The following UBE2L6 variants were observed in gnomAD, a reference collection of about 807,000 sequenced individuals.
UBE2L6 encodes the protein ubiquitin conjugating enzyme E2 L6.
A neutral mutation model predicts 13.6 loss-of-function variants in UBE2L6; 11 were observed. The ratio of observed to expected loss-of-function variants is 0.81; its 90% confidence interval spans 0.51 to 1.34. UBE2L6 has a LOEUF of 1.34. Among genes scored for constraint, UBE2L6 ranks in the 40% most tolerant of loss-of-function variants. The pLI, the probability that UBE2L6 is intolerant of heterozygous loss-of-function variation, is 0.00. For synonymous variants in UBE2L6, 74 were observed against 83.2 expected (o/e 0.89, Z 0.60); for missense variants, 197 against 199.5 (o/e 0.99, Z 0.07).
upstream of UBE2L6, chr11:57,567,692 C>G: frequency 6.6e-7 from 1 of 1,510,362 alleles, no homozygotes; most frequent in African/African-American, 1.4e-5. Flanking sequence ...CGCCCCGCCC[C>G]GGGGACCCCA....
intron 2 of UBE2L6, among the ~76,000 whole-genome samples, chr11:57,556,301 T>C (rs1465871170): frequency 6.6e-6 from 1 of 152,068 alleles, no homozygotes; most frequent in South Asian, 2.1e-4. Context: ...GTGATCTAAC[T>C]AGGCCGGGCA....
chr11:57,558,668 A>AC (rs1945015442), intron 2 of UBE2L6, among the ~76,000 whole-genome samples: 2 of 152,256 alleles, frequency 1.3e-5, no homozygotes, highest in Non-Finnish European at 2.9e-5. Flanking sequence ...CGAAAGACTC[A>AC]TCGAGCTGAA....
rs1177663321 is a variant in UBE2L6 at position 57,554,497 on chromosome 11, G to A, written c.250C>T (p.Gln84Ter). ...CTGCTGATGATGGGCAGGCAAATCT[G>A]TCCGTTCTCGTCCACGTTGGGGTGG... ...IYHPNVDENG[Q>*]ICLPIISSEN... The change falls in exon 3 of 4, where the codon CAG becomes TAG. Residue 84 changes from glutamine (Q) to a stop codon, truncating the protein, a stop_gained. Coordinates refer to ENST00000287156, the MANE Select transcript of UBE2L6 (RefSeq NM_004223.5). LOFTEE classifies it high-confidence loss of function. 6.2e-7 allele frequency: 1 copy of A among 1,614,180 alleles called. No individual in the cohort carries two copies. The highest frequency in any genetic ancestry group is 1.3e-5 in the African/African-American group (1 of 75,040).
rs939944298 is a variant in UBE2L6, at chr11:57,552,239, A to C, written c.*119T>G. 2 of 1,404,646 alleles carry C rather than the reference A, an allele frequency of 1.4e-6. No individual in the cohort carries two copies. Among genetic ancestry groups the C allele is most frequent in the African/African-American group, 2.8e-5 (2 of 70,200 alleles). 87.0% of individuals were successfully genotyped at this position (1,404,646 alleles called of 1,614,324 possible). The stretch of plus-strand genomic sequence containing the variant: ...CACACACACACACAAACTAATGACT[A>C]ACAACCTAAGAAGGGAAAAATGAAT... On this transcript the variant is annotated 3_prime_UTR_variant, in exon 4 of 4. Coordinates refer to ENST00000287156, the MANE Select transcript of UBE2L6 (RefSeq NM_004223.5).
chr11:57,566,957 C>CCCCG (rs1554991547), intron 1 of UBE2L6: 13 of 220,186 alleles, frequency 5.9e-5, no homozygotes, highest in Middle Eastern at 7.0e-4. Context: ...GCCCCCCCCC[C>CCCCG]CCTCCTAGAA....
chr11:57,563,947 G>T (rs976594325), intron 1 of UBE2L6, among the ~76,000 whole-genome samples: 1 of 152,114 alleles, frequency 6.6e-6, no homozygotes, highest in Non-Finnish European at 1.5e-5. Context: ...ATGCCTACAG[G>T]ATCTAGACAA....
upstream of UBE2L6, chr11:57,567,706 C>A: frequency 6.8e-7 from 1 of 1,467,662 alleles, no homozygotes; most frequent in Non-Finnish European, 9.2e-7. Context: ...GACCCCACCC[C>A]CGGCAGCCCC....
intron 2 of UBE2L6, among the ~76,000 whole-genome samples, chr11:57,558,659 G>A (rs1034887594): frequency 6.6e-6 from 1 of 152,184 alleles, no homozygotes; most frequent in Non-Finnish European, 1.5e-5. Context: ...TATTAGCTTC[G>A]AAAGACTCAT....
chr11:57,565,275 A>G (rs1467824308), intron 1 of UBE2L6, among the ~76,000 whole-genome samples: 2 of 152,000 alleles, frequency 1.3e-5, no homozygotes, highest in African/African-American at 2.4e-5. Flanking sequence ...AGGGAGAGAG[A>G]AAGAAAGAAG....
At chr11:57,563,817 G>A (rs1308209097) in intron 1 of UBE2L6, among the ~76,000 whole-genome samples, 1 of 151,736 alleles carries the variant, frequency 6.6e-6, no homozygotes, top group Non-Finnish European at 1.5e-5. Flanking sequence ...CAGGAGAATG[G>A]TATGAACCCA....
intron 3 of UBE2L6, 64 bp downstream of exon 3, chr11:57,554,373 G>C (rs984799759): frequency 3.2e-6 from 5 of 1,554,800 alleles, no homozygotes; most frequent in Non-Finnish European, 1.7e-6. Context: ...AATAAGCTGT[G>C]AACCCCCTCT....
intron 1 of UBE2L6, 120 bp from the exon 2 acceptor site, chr11:57,560,552 G>C: frequency 1.4e-6 from 1 of 700,654 alleles, no homozygotes; most frequent in African/African-American, 1.7e-5. Flanking sequence ...GCAGAAGCCG[G>C]TAAAGTCAGA....
At chr11:57,563,864 T>G (rs2649648) in intron 1 of UBE2L6, among the ~76,000 whole-genome samples, 100,635 of 151,914 alleles carry the variant, frequency 0.66, 33,538 homozygotes, top group East Asian at 0.81. Flanking sequence ...ATTGTGCCAC[T>G]GCACTCCATC....
At chr11:57,560,282 T>C (rs1417826031) in intron 2 of UBE2L6, 55 bp downstream of exon 2, 67 of 1,450,450 alleles carry the variant, frequency 4.6e-5, no homozygotes, top group Non-Finnish European at 5.7e-5. Context: ...TCCCTGCCCA[T>C]GTCCCTGGCC....
Position 57,552,443 on chromosome 11 carries a change from G to C in UBE2L6, c.377C>G (p.Ala126Gly). ...NIREPLRMDL[A>G]DLLTQNPELF... is the part of the protein sequence containing the mutation. ...CTCCGGATTCTGTGTCAGCAGGTCA[G>C]CGAGGTCCATCCGCAGGGGCTCCCT... Residue 126 changes from alanine (A) to glycine (G), a missense_variant, in exon 4 of 4, where the codon GCT becomes GGT. Physicochemically the swap from Ala to Gly is moderately conservative, Grantham distance 60. Coordinates refer to ENST00000287156, the MANE Select transcript of UBE2L6 (RefSeq NM_004223.5). The C allele has an allele frequency of 6.2e-7, 1 of 1,614,204 alleles. No homozygotes were observed.
At chr11:57,560,285 C>G in intron 2 of UBE2L6, 52 bp downstream of exon 2, 2 of 1,475,748 alleles carry the variant, frequency 1.4e-6, no homozygotes, top group Non-Finnish European at 1.9e-6. Flanking sequence ...CTGCCCATGT[C>G]CCTGGCCTAA....
chr11:57,566,419 C>T (rs1324942797), intron 1 of UBE2L6, among the ~76,000 whole-genome samples: 1 of 152,208 alleles, frequency 6.6e-6, no homozygotes, highest in African/African-American at 2.4e-5. Context: ...AGACTCTGGA[C>T]AAGCAAGTTA....
chr11:57,559,142 G>A (rs1945018884), intron 2 of UBE2L6, among the ~76,000 whole-genome samples: 1 of 152,202 alleles, frequency 6.6e-6, no homozygotes, highest in South Asian at 2.1e-4. Context: ...CGGCACCTGA[G>A]GCCTAGAACA....
At chr11:57,560,483 G>A (rs1565160067) in intron 1 of UBE2L6, 51 bp from the exon 2 acceptor site, 4 of 1,387,102 alleles carry the variant, frequency 2.9e-6, no homozygotes, top group Non-Finnish European at 3.1e-6. Context: ...CCTTATTTCA[G>A]CCCCCTCCCC....
Sources: gnomAD v4.1 joint callset for allele counts (sites outside exome capture counted in the v4.1 genomes callset) on GRCh38, gnomAD v4.1.1 for gene constraint, MANE v1.5 for transcripts, NCBI Gene and HGNC (gene_info 2026-07-23, HGNC 2026-07-21) for gene names.